TAF4B: variants seen among roughly 807,000 people sequenced by gnomAD.
The protein encoded by TAF4B is TATA-box binding protein associated factor 4b.
A neutral mutation model predicts 86.4 loss-of-function variants in TAF4B; 38 were observed. The observed-to-expected ratio is 0.44, with a 90% CI of 0.34 to 0.58. The LOEUF is 0.58. Ranked by LOEUF, TAF4B falls within the 20% of genes least tolerant of loss-of-function variation. The pLI, the probability that TAF4B is intolerant of heterozygous loss-of-function variation, is 0.02. For synonymous variants in TAF4B, 388 were observed against 391.2 expected (o/e 0.99, Z 0.10); for missense variants, 988 against 1,027.6 (o/e 0.96, Z 0.53).
intron 1 of TAF4B, among the ~76,000 whole-genome samples, chr18:26,228,034 T>A (rs575742809): frequency 6.6e-6 from 1 of 152,246 alleles, no homozygotes; most frequent in Admixed American, 6.5e-5. Flanking sequence ...ACAGTTGCAA[T>A]TGAAGCCATG....
chr18:26,333,771 C>T (rs921407297), intron 12 of TAF4B, among the ~76,000 whole-genome samples: 14 of 152,094 alleles, frequency 9.2e-5, no homozygotes, highest in South Asian at 6.2e-4. Flanking sequence ...TTTTACATAT[C>T]ATAAATGTGT....
chr18:26,293,211 T>G (rs1324162409), intron 8 of TAF4B, among the ~76,000 whole-genome samples: 3 of 151,580 alleles, frequency 2.0e-5, no homozygotes, highest in East Asian at 1.9e-4. Context: ...TAACATAGAC[T>G]ATCTAAAAAG....
intron 14 of TAF4B, among the ~76,000 whole-genome samples, chr18:26,364,942 G>A (rs2057360801): frequency 1.3e-5 from 2 of 149,190 alleles, no homozygotes; most frequent in Admixed American, 1.3e-4. Flanking sequence ...ATTGCAATAT[G>A]TATTAGTATA....
rs368950266 is a variant in TAF4B, at chr18:26,346,801, G to GTATA, written c.2317-10877_2317-10874dup. On this transcript the variant is annotated intron_variant, in intron 13 of 14. Transcript: ENST00000269142. ...TGTGTGTATATATATATATATATGT[G>GTATA]TATATATATATATATGTGTGTGTAT... Among the ~76,000 whole-genome samples, 2 of 18,254 alleles carry GTATA rather than the reference G, an allele frequency of 1.1e-4. 1 individual carries two copies. Among genetic ancestry groups the GTATA allele is most frequent in the Non-Finnish European group, 3.4e-4 (2 of 5,878 alleles). 12.0% of individuals were successfully genotyped at this position (18,254 alleles called of 152,430 possible).
At chr18:26,238,919 T>C (rs1032520398) in intron 1 of TAF4B, among the ~76,000 whole-genome samples, 4 of 152,224 alleles carry the variant, frequency 2.6e-5, no homozygotes, top group Non-Finnish European at 5.9e-5. Context: ...GGACATGAAC[T>C]CATCCTTTTT....
At chr18:26,355,753 T>C (rs565880565) in intron 13 of TAF4B, among the ~76,000 whole-genome samples, 2 of 152,350 alleles carry the variant, frequency 1.3e-5, no homozygotes, top group South Asian at 4.1e-4. Context: ...CTTTAAAATA[T>C]AGCTTGTTGT....
Position 26,292,401 on chromosome 18 carries a change from A to C in TAF4B, c.1726+20A>C. Reference sequence around the variant, plus strand: ...CTCCAGGTAGATGCTGGTCCATCTCAGTCCCATCATGCTGGGTTAGAACAT... The same window carrying C: ...CTCCAGGTAGATGCTGGTCCATCTCCGTCCCATCATGCTGGGTTAGAACAT... On this transcript the variant is annotated intron_variant, in intron 8 of 14. Transcript: ENST00000269142. 4 of 1,600,528 alleles carry C rather than the reference A, an allele frequency of 2.5e-6. No homozygotes were observed. Among genetic ancestry groups the C allele is most frequent in the East Asian group, 2.3e-5 (1 of 44,030 alleles).
At chr18:26,338,482 T>TG (rs2057110867) in intron 13 of TAF4B, among the ~76,000 whole-genome samples, 2 of 142,122 alleles carry the variant, frequency 1.4e-5, no homozygotes, top group Middle Eastern at 3.5e-3. Context: ...TTTTTTTTTT[T>TG]TTTTTTTTTT....
rs139810268 is a variant in TAF4B, at chr18:26,388,619, A to G, written c.2422-1226A>G. 4.3e-3 allele frequency among the ~76,000 whole-genome samples: 656 copies of G among 152,302 alleles called. 6 individuals are homozygous for G. Among genetic ancestry groups the G allele is most frequent in the African/African-American group, 0.015 (632 of 41,560 alleles). On this transcript the variant is annotated intron_variant, in intron 14 of 14. Transcript: ENST00000269142. ...GAAATGGGTCTTAAAAGATGAGTAG[A>G]TTGGCCTAGAATGGCCTCTTTGCTA...
chr18:26,304,920 G>A, intron 9 of TAF4B: 1 of 972,628 alleles, frequency 1.0e-6, no homozygotes, highest in Non-Finnish European at 1.2e-6. Context: ...CCATTTATCT[G>A]TTGACTACTT....
chr18:26,258,704 A>AT (rs1253949131), intron 1 of TAF4B, among the ~76,000 whole-genome samples: 1 of 151,538 alleles, frequency 6.6e-6, no homozygotes, highest in Admixed American at 6.6e-5. Context: ...TTAAAAAAAA[A>AT]TTTTTTTTAG....
intron 5 of TAF4B, among the ~76,000 whole-genome samples, chr18:26,279,260 T>C (rs2056418009): frequency 6.6e-6 from 1 of 151,954 alleles, no homozygotes; most frequent in African/African-American, 2.4e-5. Flanking sequence ...AAGAGCACAG[T>C]CCCATTTACA....
At chr18:26,246,262 C>T (rs1236520893) in intron 1 of TAF4B, among the ~76,000 whole-genome samples, 1 of 152,154 alleles carries the variant, frequency 6.6e-6, no homozygotes, top group Non-Finnish European at 1.5e-5. Context: ...TTGTTACTTA[C>T]TGAATGACTA....
intron 7 of TAF4B, among the ~76,000 whole-genome samples, chr18:26,286,718 C>CT (rs2056528933): frequency 6.6e-6 from 1 of 152,076 alleles, no homozygotes; most frequent in East Asian, 1.9e-4. Flanking sequence ...GAGTCTTACT[C>CT]TGTCGCCCAG....
chr18:26,233,704 A>G (rs544156240), intron 1 of TAF4B, among the ~76,000 whole-genome samples: 1 of 152,160 alleles, frequency 6.6e-6, no homozygotes, highest in African/African-American at 2.4e-5. Context: ...TTAGGACTTA[A>G]ACCACTTCCT....
At chr18:26,233,209 C>T (rs777046801) in intron 1 of TAF4B, among the ~76,000 whole-genome samples, 3 of 152,166 alleles carry the variant, frequency 2.0e-5, no homozygotes, top group Non-Finnish European at 4.4e-5. Flanking sequence ...TGGTGAGCGG[C>T]TGGGAAGGGG....
chr18:26,387,254 AG>A (rs1978427214), intron 14 of TAF4B, among the ~76,000 whole-genome samples: 1 of 151,998 alleles, frequency 6.6e-6, no homozygotes, highest in South Asian at 2.1e-4. Context: ...TTTTTGTTAG[AG>A]GTGGGGTTTC....
In TAF4B at chr18:26,260,319, C is replaced by T. The variant is rs186053453; in HGVS notation, c.344-4851C>T. On this transcript the variant is annotated intron_variant, in intron 1 of 14. Coordinates refer to ENST00000269142, the MANE Select transcript of TAF4B (RefSeq NM_005640.3). ...CATTTGTCAATTTTGTCTTTTGTTG[C>T]CATTGCTTTTGGTGTTTTAGACATG... Among the ~76,000 whole-genome samples the T allele has an allele frequency of 5.9e-3, 902 of 152,260 alleles. 3 individuals carry two copies. Among genetic ancestry groups the T allele is most frequent in the Middle Eastern group, 0.014 (4 of 294 alleles).
chr18:26,374,690 G>A (rs1237320142), intron 14 of TAF4B, among the ~76,000 whole-genome samples: 1 of 152,098 alleles, frequency 6.6e-6, no homozygotes, highest in Non-Finnish European at 1.5e-5. Flanking sequence ...CCAGTTAGAT[G>A]TTCAGATTTT....
Sources: gnomAD v4.1 joint callset for allele counts (sites outside exome capture counted in the v4.1 genomes callset) on GRCh38, gnomAD v4.1.1 for gene constraint, MANE v1.5 for transcripts, NCBI Gene and HGNC (gene_info 2026-07-23, HGNC 2026-07-21) for gene names.